FAT3: variants seen among roughly 807,000 people sequenced by gnomAD.
FAT3 encodes the protein protocadherin Fat 3.
In FAT3, 95 loss-of-function variants were observed where a neutral mutation model predicts 310.2. The observed-to-expected ratio is 0.31, with a 90% CI of 0.26 to 0.36. The LOEUF (loss-of-function observed/expected upper bound fraction) is 0.36. FAT3 is among the 10% of genes least tolerant of loss of function. The pLI, the probability that FAT3 is intolerant of heterozygous loss-of-function variation, is 1.00. For missense variants in FAT3, 5,408 were observed against 5,715.6 expected (o/e 0.95, Z 1.74); for synonymous variants, 2,314 against 2,192.9 (o/e 1.06, Z -1.54).
intron 3 of FAT3, among the ~76,000 whole-genome samples, chr11:92,678,122 G>C (rs1360455122): frequency 6.6e-6 from 1 of 152,128 alleles, no homozygotes; most frequent in African/African-American, 2.4e-5. Context: ...GCAAATGTCT[G>C]GTTGCAAGAG....
At chr11:92,317,687 T>C (rs1444141356) in intron 1 of FAT3, among the ~76,000 whole-genome samples, 1 of 152,090 alleles carries the variant, frequency 6.6e-6, no homozygotes, top group Non-Finnish European at 1.5e-5. Context: ...TACAAAGGTG[T>C]TTTCTACCTC....
chr11:92,311,888 A>G (rs527666561), intron 1 of FAT3, among the ~76,000 whole-genome samples: 2 of 152,292 alleles, frequency 1.3e-5, no homozygotes, highest in South Asian at 4.1e-4. Flanking sequence ...TTTCAAAATC[A>G]AAAGGAGATG....
chr11:92,298,699 AT>A lies in FAT3; in HGVS notation c.-17-53389del, dbSNP rs1358203672. Among the ~76,000 whole-genome samples the A allele has an allele frequency of 3.3e-5, 5 of 151,928 alleles. No homozygotes were observed. The South Asian group carries it at 1.0e-3, about 32-fold the overall frequency. On this transcript the variant is annotated intron_variant, in intron 1 of 27. Transcript: ENST00000525166. ...AAAGATGGTCGTTAATCAACTTCCA[AT>A]TTTTTTTCCTCCAGGCCAGGCAACC...
chr11:92,326,492 A>G (rs1443424348), intron 1 of FAT3, among the ~76,000 whole-genome samples: 1 of 152,244 alleles, frequency 6.6e-6, no homozygotes, highest in Non-Finnish European at 1.5e-5. Flanking sequence ...TAGACAAAGA[A>G]GGAAACATTT....
chr11:92,664,045 C>G (rs563632127), intron 3 of FAT3, among the ~76,000 whole-genome samples: 1 of 152,080 alleles, frequency 6.6e-6, no homozygotes, highest in Non-Finnish European at 1.5e-5. Flanking sequence ...CACACAAAAC[C>G]GTGAGTGGTC....
chr11:92,242,390 T>C (rs1358392274), intron 1 of FAT3, among the ~76,000 whole-genome samples: 1 of 152,014 alleles, frequency 6.6e-6, no homozygotes, highest in Non-Finnish European at 1.5e-5. Context: ...CTACTAGTGG[T>C]TAAAATAGGG....
chr11:92,890,914 G>A lies in FAT3; in HGVS notation c.13571G>A (p.Gly4524Asp), dbSNP rs547247803. 1.7e-5 allele frequency: 28 copies of A among 1,614,000 alleles called. No individual in the cohort carries two copies. The African/African-American group carries it at 3.5e-4, about 20-fold the overall frequency. ...FSTFAVSMNQ[G>D]TEPTGPADSV... The stretch of plus-strand genomic sequence containing the variant: ...ACTTTTGCTGTGAGCATGAACCAGG[G>A]CACAGAGCCCACAGGCCCAGCAGAC... The change falls in exon 28 of 28, where the codon GGC (glycine) becomes GAC (aspartate). Residue 4524 changes from glycine to aspartate, a missense_variant. Physicochemically the swap from Gly to Asp is moderately conservative, Grantham distance 94. This residue lies in a region of FAT3 where 649 missense variants were observed against 666.2 expected (regional missense o/e 0.97). Transcript: ENST00000525166.
At chr11:92,469,113 G>C (rs1951845029) in intron 2 of FAT3, among the ~76,000 whole-genome samples, 1 of 152,046 alleles carries the variant, frequency 6.6e-6, no homozygotes. Context: ...GGCTGATCAA[G>C]GTCATTGTAT....
chr11:92,420,549 G>A (rs1420995001), intron 2 of FAT3, among the ~76,000 whole-genome samples: 1 of 152,104 alleles, frequency 6.6e-6, no homozygotes, highest in African/African-American at 2.4e-5. Flanking sequence ...CAGAAGACAT[G>A]GCAAGAATCA....
intron 7 of FAT3, among the ~76,000 whole-genome samples, chr11:92,787,740 A>G (rs1442222329): frequency 6.6e-6 from 1 of 151,072 alleles, no homozygotes; most frequent in Non-Finnish European, 1.5e-5. Flanking sequence ...TATTAAAATT[A>G]TTTTTAATGA....
intron 3 of FAT3, among the ~76,000 whole-genome samples, chr11:92,670,946 T>C (rs994612508): frequency 2.0e-5 from 3 of 152,122 alleles, no homozygotes; most frequent in African/African-American, 7.2e-5. Context: ...GCTATAAAAC[T>C]AAATTTTTAA....
In FAT3 at chr11:92,834,863, T is replaced by G; in HGVS notation, c.9872-7T>G. 1 of 1,594,066 alleles carries G rather than the reference T, an allele frequency of 6.3e-7. No homozygotes were observed. Among genetic ancestry groups the G allele is most frequent in the Admixed American group, 1.7e-5 (1 of 57,794 alleles). ...TGAAATATAAAGCTCCCCATTTTTC[T>G]TCAAAGGGGGTATTTCTGTCTCTGA... is the stretch of plus-strand genomic sequence containing the variant. On this transcript the variant is annotated splice_polypyrimidine_tract_variant and splice_region_variant and intron_variant, in intron 14 of 27. Coordinates refer to ENST00000525166, the MANE Select transcript of FAT3 (RefSeq NM_001367949.2).
chr11:92,613,795 C>T (rs1163005986), intron 3 of FAT3, among the ~76,000 whole-genome samples: 2 of 152,122 alleles, frequency 1.3e-5, no homozygotes, highest in Non-Finnish European at 2.9e-5. Context: ...GTGTACAGTT[C>T]AGTGATTTTT....
intron 3 of FAT3, among the ~76,000 whole-genome samples, chr11:92,580,068 C>T (rs1294138572): frequency 2.6e-5 from 4 of 151,934 alleles, no homozygotes; most frequent in Non-Finnish European, 5.9e-5. Context: ...GTAAAGCATC[C>T]CAGCTTATAA....
At chr11:92,763,888 G>A (rs1026506487) in intron 5 of FAT3, among the ~76,000 whole-genome samples, 14 of 152,132 alleles carry the variant, frequency 9.2e-5, no homozygotes, top group Admixed American at 2.6e-4. Context: ...CACCCCGCAG[G>A]GAGTTTCTAG....
intron 2 of FAT3, 22 bp from the exon 3 acceptor site, chr11:92,524,612 A>ACACTTCTCTTTTTTGTCT: frequency 6.2e-7 from 1 of 1,602,692 alleles, no homozygotes; most frequent in Non-Finnish European, 8.5e-7. Context: ...TGTGACAGTA[A>ACACTTCTCTTTTTTGTCT]CACTTCTCTT....
chr11:92,295,330 C>T (rs902712729), intron 1 of FAT3, among the ~76,000 whole-genome samples: 1 of 152,092 alleles, frequency 6.6e-6, no homozygotes, highest in Non-Finnish European at 1.5e-5. Flanking sequence ...TCTAAGACTG[C>T]ATTTAAAGTG....
At chr11:92,381,257 C>G (rs1204745596) in intron 2 of FAT3, among the ~76,000 whole-genome samples, 2 of 152,142 alleles carry the variant, frequency 1.3e-5, no homozygotes, top group African/African-American at 2.4e-5. Context: ...CGCCTGTAAT[C>G]CCAGCGTTTA....
intron 1 of FAT3, among the ~76,000 whole-genome samples, chr11:92,280,919 C>G (rs1308161020): frequency 6.6e-6 from 1 of 152,156 alleles, no homozygotes; most frequent in African/African-American, 2.4e-5. Flanking sequence ...AAACTCAAGC[C>G]AACTTCTTAA....
Sources: allele counts gnomAD v4.1 joint callset (sites outside exome capture counted in the v4.1 genomes callset), GRCh38; gene constraint gnomAD v4.1.1; regional missense constraint gnomAD v4.1.1; transcripts MANE v1.5; gene names NCBI Gene and HGNC (gene_info 2026-07-23, HGNC 2026-07-21).